Variants in ARHGAP6 observed in about 807,000 individuals in gnomAD.
The protein encoded by ARHGAP6 is rho GTPase-activating protein 6.
In ARHGAP6, 16 loss-of-function variants were observed where a neutral mutation model predicts 55.7. The ratio of observed to expected loss-of-function variants is 0.29; its 90% confidence interval spans 0.19 to 0.44. ARHGAP6 has a LOEUF of 0.44. ARHGAP6 is among the 20% of genes least tolerant of loss of function. The pLI, the probability that ARHGAP6 is intolerant of heterozygous loss-of-function variation, is 1.00. For missense variants in ARHGAP6, 698 were observed against 808.9 expected (o/e 0.86, Z 1.66); for synonymous variants, 382 against 360.9 (o/e 1.06, Z -0.66).
intron 2 of ARHGAP6, among the ~76,000 whole-genome samples, chrX:11,230,675 G>GTGTATGTATATATGCATATACA (rs1555973551): frequency 9.2e-6 from 1 of 109,149 alleles, no homozygotes; most frequent in Admixed American, 9.9e-5. Context: ...ATGTGTGTGT[G>GTGTATGTATATATGCATATACA]TGTATGTATA....
chrX:11,573,326 G>A (rs1440836934), intron 1 of ARHGAP6, among the ~76,000 whole-genome samples: 3 of 109,132 alleles, frequency 2.7e-5, no homozygotes, highest in East Asian at 2.8e-4. Context: ...TAGGTCTAAC[G>A]TTTAAGTCTT....
chrX:11,396,421 G>A (rs911442480), intron 1 of ARHGAP6, among the ~76,000 whole-genome samples: 1 of 111,344 alleles, frequency 9.0e-6, no homozygotes, highest in Non-Finnish European at 1.9e-5. Flanking sequence ...GGGGATGACT[G>A]CTCCCTCTTA....
At chrX:11,292,821 C>T (rs1232206313) in intron 1 of ARHGAP6, among the ~76,000 whole-genome samples, 1 of 112,018 alleles carries the variant, frequency 8.9e-6, no homozygotes, top group East Asian at 2.8e-4. Flanking sequence ...GGGGCTTTGT[C>T]CCCTGTTTTG....
At chrX:11,434,530 T>TA (rs950248990) in intron 1 of ARHGAP6, among the ~76,000 whole-genome samples, 5 of 110,553 alleles carry the variant, frequency 4.5e-5, no homozygotes, top group Non-Finnish European at 7.6e-5. Flanking sequence ...GTCACCCCCC[T>TA]AAAAAAACCA....
intron 1 of ARHGAP6, among the ~76,000 whole-genome samples, chrX:11,473,792 T>A (rs1004901804): frequency 1.8e-5 from 2 of 111,682 alleles, no homozygotes; most frequent in Non-Finnish European, 3.8e-5. Flanking sequence ...ATTTAGACAG[T>A]TTGGGCCAAA....
At chrX:11,484,342 TAGG>T (rs200673259) in intron 1 of ARHGAP6, among the ~76,000 whole-genome samples, 9 of 100,460 alleles carry the variant, frequency 9.0e-5, no homozygotes, top group Middle Eastern at 0.01. Context: ...GAAGATTAAG[TAGG>T]AGGAGGAGGA....
intron 2 of ARHGAP6, among the ~76,000 whole-genome samples, chrX:11,224,936 G>A (rs1410236555): frequency 9.0e-6 from 1 of 111,072 alleles, no homozygotes; most frequent in African/African-American, 3.3e-5. Flanking sequence ...TTTGACCATT[G>A]CTAGCTTGGA....
intron 1 of ARHGAP6, among the ~76,000 whole-genome samples, chrX:11,314,654 T>A (rs1403309832): frequency 9.0e-6 from 1 of 111,707 alleles, no homozygotes; most frequent in Non-Finnish European, 1.9e-5. Flanking sequence ...TGCTATTCCA[T>A]GGTATATATC....
At chrX:11,586,041 C>T (rs919885657) in intron 1 of ARHGAP6, among the ~76,000 whole-genome samples, 5 of 111,540 alleles carry the variant, frequency 4.5e-5, no homozygotes, top group African/African-American at 1.6e-4. Flanking sequence ...ATCCAATCAC[C>T]TCCCACCAGG....
intron 1 of ARHGAP6, among the ~76,000 whole-genome samples, chrX:11,621,485 G>C (rs1195460190): frequency 9.0e-6 from 1 of 111,252 alleles, no homozygotes; most frequent in Admixed American, 9.6e-5. Flanking sequence ...AAAAAAAATG[G>C]TGTTTTAAAA....
intron 1 of ARHGAP6, chrX:11,299,109 A>G (rs2147575102): frequency 1.2e-6 from 1 of 822,833 alleles, no homozygotes; most frequent in Non-Finnish European, 1.8e-6. Context: ...CTATTAGTCC[A>G]AGCAATATGC....
intron 1 of ARHGAP6, among the ~76,000 whole-genome samples, chrX:11,458,822 T>C (rs954535226): frequency 1.4e-4 from 15 of 110,373 alleles, no homozygotes; most frequent in African/African-American, 4.6e-4. Context: ...GGAGAGATAG[T>C]AATAAAAAGT....
chrX:11,447,325 G>A (rs5978436), intron 1 of ARHGAP6, among the ~76,000 whole-genome samples: 35,813 of 110,906 alleles, frequency 0.32, 4,158 homozygotes, highest in Middle Eastern at 0.44. Flanking sequence ...TGGTTTTATT[G>A]AAGCCAAAAC....
At chrX:11,649,078 C>T (rs1751701321) in intron 1 of ARHGAP6, among the ~76,000 whole-genome samples, 1 of 112,330 alleles carries the variant, frequency 8.9e-6, no homozygotes, top group Admixed American at 9.4e-5. Context: ...TCACTTCTTC[C>T]ATCAAGGGGT....
intron 1 of ARHGAP6, among the ~76,000 whole-genome samples, chrX:11,457,398 G>C (rs1163467418): frequency 9.0e-6 from 1 of 111,097 alleles, no homozygotes; most frequent in Non-Finnish European, 1.9e-5. Flanking sequence ...GTGATGGATG[G>C]TAAGTTTGCC....
intron 1 of ARHGAP6, among the ~76,000 whole-genome samples, chrX:11,380,592 C>T (rs2049251100): frequency 8.9e-6 from 1 of 111,872 alleles, no homozygotes; most frequent in Non-Finnish European, 1.9e-5. Flanking sequence ...GAGCTCCAAC[C>T]ATGGAGTTTC....
chrX:11,351,811 A>G (rs1477263582), intron 1 of ARHGAP6: 1 of 114,264 alleles, frequency 8.8e-6, no homozygotes, highest in Non-Finnish European at 1.8e-5. Flanking sequence ...GCCAGTGAGA[A>G]CATCCTTTCT....
intron 1 of ARHGAP6, among the ~76,000 whole-genome samples, chrX:11,541,845 A>G (rs2051161140): frequency 2.7e-5 from 3 of 112,696 alleles, no homozygotes; most frequent in African/African-American, 9.7e-5. Flanking sequence ...TGATATGAGG[A>G]TAACATTGAT....
At chrX:11,225,720 G>A (rs1203647980) in intron 2 of ARHGAP6, 2 of 660,765 alleles carry the variant, frequency 3.0e-6, no homozygotes, top group Non-Finnish European at 4.5e-6. Context: ...GAAAGGAACT[G>A]AAAGAGATTG....
Sources: allele counts gnomAD v4.1 joint callset (sites outside exome capture counted in the v4.1 genomes callset), GRCh38; gene constraint gnomAD v4.1.1; transcripts MANE v1.5; gene names NCBI Gene and HGNC (gene_info 2026-07-23, HGNC 2026-07-21).